Variants in AVL9 observed in about 807,000 individuals in gnomAD.
AVL9 encodes the protein AVL9 cell migration associated.
Under a neutral mutation model 79.2 loss-of-function variants are expected in AVL9, and 49 were observed. That is an observed-to-expected ratio of 0.62 (90% CI 0.49 to 0.79). The LOEUF is 0.79. AVL9 is among the 30% of genes least tolerant of loss of function. AVL9 has a pLI of 0.00. For missense variants in AVL9, 682 were observed against 776.8 expected (o/e 0.88, Z 1.45); for synonymous variants, 299 against 280.6 (o/e 1.07, Z -0.65).
chr7:32,519,755 T>G (rs948253085), intron 1 of AVL9, among the ~76,000 whole-genome samples: 2 of 152,260 alleles, frequency 1.3e-5, no homozygotes, highest in South Asian at 4.1e-4. Context: ...TAGTTCATTC[T>G]TACATTGCTG....
chr7:32,523,269 G>GAA lies in AVL9; in HGVS notation c.94-19863_94-19862dup, dbSNP rs34028975. ...TTGCCCCAGATTGGAAGATTAAGGG[G>GAA]AAAAAAAAAATCAGAAGGCAGAGTT... On this transcript the variant is annotated intron_variant, in intron 1 of 15. Coordinates refer to ENST00000318709, the MANE Select transcript of AVL9 (RefSeq NM_015060.3). Among the ~76,000 whole-genome samples, 572 of 148,298 alleles carry GAA rather than the reference G, an allele frequency of 3.9e-3. 2 individuals are homozygous for GAA. The highest frequency in any genetic ancestry group is 5.4e-3 in the Non-Finnish European group (360 of 67,044).
At chr7:32,550,807 A>G (rs949751589) in intron 4 of AVL9, among the ~76,000 whole-genome samples, 1 of 152,288 alleles carries the variant, frequency 6.6e-6, no homozygotes, top group African/African-American at 2.4e-5. Flanking sequence ...GTAATCATGA[A>G]TGTTCAAATA....
At position 32,575,078 on chromosome 7, in the gene AVL9, T is replaced by G. The variant is rs114439123; in HGVS notation, c.1571-877T>G. Among the ~76,000 whole-genome samples the G allele has an allele frequency of 6.8e-3, 881 of 130,280 alleles. 8 individuals carry two copies. The highest frequency in any genetic ancestry group is 0.023 in the African/African-American group (845 of 37,036). 85.5% of individuals were successfully genotyped at this position (130,280 alleles called of 152,430 possible). A position where few individuals can be genotyped will look rare whatever the true frequency, so the allele number is the denominator to read the frequency against. ...AACTTTATCAGTTTTCAGTATATTCTTTTAAGACTTTTTTTGTTTTGTTTT... is the reference window on the plus strand; with the variant it reads ...AACTTTATCAGTTTTCAGTATATTCGTTTAAGACTTTTTTTGTTTTGTTTT... On this transcript the variant is annotated intron_variant, in intron 12 of 15. Transcript: ENST00000318709.
chr7:32,528,827 G>T (rs900872893), intron 1 of AVL9, among the ~76,000 whole-genome samples: 9 of 152,028 alleles, frequency 5.9e-5, no homozygotes, highest in African/African-American at 2.2e-4. Context: ...TGGCTAACAT[G>T]GTGAAACTCC....
intron 1 of AVL9, among the ~76,000 whole-genome samples, chr7:32,528,309 A>G (rs1313604321): frequency 2.0e-5 from 3 of 152,178 alleles, no homozygotes; most frequent in Non-Finnish European, 4.4e-5. Flanking sequence ...CTGGAGCCCA[A>G]CCACCTTGGG....
chr7:32,512,058 C>T (rs576181623), intron 1 of AVL9, among the ~76,000 whole-genome samples: 1 of 152,288 alleles, frequency 6.6e-6, no homozygotes. Context: ...CATTATGAAA[C>T]ATACATGCTC....
intron 10 of AVL9, among the ~76,000 whole-genome samples, chr7:32,564,954 T>C (rs17161423): frequency 0.19 from 28,299 of 152,060 alleles, 2,908 homozygotes; most frequent in South Asian, 0.3. Context: ...ATGAGGGAAG[T>C]GGAAAAAAAG....
At chr7:32,504,687 C>T (rs1305163501) in intron 1 of AVL9, among the ~76,000 whole-genome samples, 1 of 152,118 alleles carries the variant, frequency 6.6e-6, no homozygotes, top group Non-Finnish European at 1.5e-5. Flanking sequence ...GAATACCTGT[C>T]ATCAGAGGCT....
Position 32,519,971 on chromosome 7 carries a change from C to G in AVL9, c.94-23170C>G, listed in dbSNP as rs538322913. Among the ~76,000 whole-genome samples the G allele has an allele frequency of 9.2e-5, 14 of 152,182 alleles. 1 individual carries two copies. In the South Asian group the frequency reaches 2.9e-3, roughly 32 times the overall value. ...GAAAGTGCAACACACTTTCAAAAACCAGATCTTGTGAGAACTCACTATCAC... is the reference window on the plus strand; with the variant it reads ...GAAAGTGCAACACACTTTCAAAAACGAGATCTTGTGAGAACTCACTATCAC... On this transcript the variant is annotated intron_variant, in intron 1 of 15. Coordinates refer to ENST00000318709, the MANE Select transcript of AVL9 (RefSeq NM_015060.3).
Position 32,495,677 on chromosome 7 carries a change from C to G in AVL9, c.-33C>G. On this transcript the variant is annotated 5_prime_UTR_variant, in exon 1 of 16. Coordinates refer to ENST00000318709, the MANE Select transcript of AVL9 (RefSeq NM_015060.3). ...CGTCAGACCCGCTGCCCTTGGCGGT[C>G]GAAGTCGTCGTGCGGGCCCGCGGCG... is the stretch of plus-strand genomic sequence containing the variant. 8.0e-7 allele frequency: 1 copy of G among 1,245,064 alleles called. No homozygotes were observed. Among genetic ancestry groups the G allele is most frequent in the Non-Finnish European group, 1.0e-6 (1 of 982,232 alleles). 77.1% of individuals were successfully genotyped at this position (1,245,064 alleles called of 1,614,324 possible).
intron 1 of AVL9, among the ~76,000 whole-genome samples, chr7:32,522,312 C>T (rs949963624): frequency 3.9e-5 from 6 of 152,160 alleles, no homozygotes; most frequent in Admixed American, 6.5e-5. Flanking sequence ...GGAGGCTGTA[C>T]CCTGCCAAGC....
chr7:32,563,630 G>GT, intron 10 of AVL9, among the ~76,000 whole-genome samples: 1 of 151,440 alleles, frequency 6.6e-6, no homozygotes. Context: ...AAAGTATTCT[G>GT]TTTTTCCCTG....
chr7:32,517,813 T>G (rs1296035017), intron 1 of AVL9, among the ~76,000 whole-genome samples: 4 of 126,332 alleles, frequency 3.2e-5, no homozygotes, highest in African/African-American at 1.1e-4. Context: ...GCTTGTGTGT[T>G]TTTTTTTTGT....
At chr7:32,568,625 T>C (rs1259340425) in intron 10 of AVL9, among the ~76,000 whole-genome samples, 1 of 152,204 alleles carries the variant, frequency 6.6e-6, no homozygotes, top group Non-Finnish European at 1.5e-5. Context: ...ATTGCATTTA[T>C]TTTCATAAAT....
Position 32,552,246 on chromosome 7 carries a change from GAAT to G in AVL9, c.482_484del (p.Asn161del), listed in dbSNP as rs1562783459. 9 of 1,596,754 alleles carry G rather than the reference GAAT, an allele frequency of 5.6e-6. No homozygotes were observed. The highest frequency in any genetic ancestry group is 7.7e-6 in the Non-Finnish European group (9 of 1,165,638). On this transcript the variant is annotated inframe_deletion, in exon 6 of 16. Transcript: ENST00000318709. ...TTTTATAGGAGCTTTATGAACATAT[GAAT>G]AGTTCCTTGGGAGGTGCTTCATTAG... is the stretch of plus-strand genomic sequence containing the variant.
intron 1 of AVL9, among the ~76,000 whole-genome samples, chr7:32,531,074 A>T (rs2128128506): frequency 6.6e-6 from 1 of 152,346 alleles, no homozygotes; most frequent in South Asian, 2.1e-4. Flanking sequence ...TAAAGAAAAA[A>T]GACAAATGAG....
chr7:32,556,583 T>A (rs1027529958), intron 8 of AVL9, among the ~76,000 whole-genome samples: 2 of 152,182 alleles, frequency 1.3e-5, no homozygotes, highest in African/African-American at 2.4e-5. Context: ...AGTTTTTTTT[T>A]TAAAAATGAA....
Position 32,495,677 on chromosome 7 carries a change from C to A in AVL9, c.-33C>A. On this transcript the variant is annotated 5_prime_UTR_variant, in exon 1 of 16. Coordinates refer to ENST00000318709, the MANE Select transcript of AVL9 (RefSeq NM_015060.3). ...CGTCAGACCCGCTGCCCTTGGCGGT[C>A]GAAGTCGTCGTGCGGGCCCGCGGCG... 3.2e-6 allele frequency: 4 copies of A among 1,245,062 alleles called. No individual in the cohort carries two copies. The South Asian group carries it at 1.4e-4, about 45-fold the overall frequency. The allele number at this position is 1,245,062 out of a possible 1,614,324, so 77.1% of individuals were successfully genotyped here.
At chr7:32,498,140 T>C (rs77040090) in intron 1 of AVL9, among the ~76,000 whole-genome samples, 2,503 of 152,268 alleles carry the variant, frequency 0.016, 68 homozygotes, top group African/African-American at 0.057. Flanking sequence ...GTAAAAGCCA[T>C]CTTCTAATAC....
Sources: gnomAD v4.1 joint callset for allele counts (sites outside exome capture counted in the v4.1 genomes callset) on GRCh38, gnomAD v4.1.1 for gene constraint, MANE v1.5 for transcripts, NCBI Gene and HGNC (gene_info 2026-07-23, HGNC 2026-07-21) for gene names.